ST6GALNAC3: variants seen among roughly 807,000 people sequenced by gnomAD.
ST6GALNAC3 encodes alpha-N-acetylgalactosaminide alpha-2,6-sialyltransferase 3.
In ST6GALNAC3, 25 loss-of-function variants were observed where a neutral mutation model predicts 32.7. The observed-to-expected ratio is 0.76, with a 90% confidence interval of 0.56 to 1.07. ST6GALNAC3 has a LOEUF of 1.07. Ranked by LOEUF, ST6GALNAC3 falls within the 50% of genes least tolerant of loss-of-function variation. The probability of loss-of-function intolerance (pLI) is 0.00; values close to 1 mark genes in which losing one functional copy is unlikely to be tolerated. For synonymous variants in ST6GALNAC3, 129 were observed against 133.1 expected, an observed-to-expected ratio of 0.97 and a Z score of 0.21; for missense variants, 355 against 382.4, an observed-to-expected ratio of 0.93 and a Z score of 0.60.
intron 1 of ST6GALNAC3, among the ~76,000 whole-genome samples, chr1:76,172,769 C>T (rs1229437621): frequency 6.6e-6 from 1 of 152,108 alleles, no homozygotes; most frequent in African/African-American, 2.4e-5. Context: ...CCTAGGAATA[C>T]AACTAACAAG....
intron 3 of ST6GALNAC3, among the ~76,000 whole-genome samples, chr1:76,595,598 A>G (rs1221541893): frequency 1.3e-5 from 2 of 152,132 alleles, no homozygotes; most frequent in Admixed American, 1.3e-4. Flanking sequence ...CTGAAACCTC[A>G]AAGTCTTTAG....
At chr1:76,336,585 T>C (rs1647494902) in intron 2 of ST6GALNAC3, among the ~76,000 whole-genome samples, 1 of 152,198 alleles carries the variant, frequency 6.6e-6, no homozygotes, top group Non-Finnish European at 1.5e-5. Flanking sequence ...AACCTCATTA[T>C]ATAGGTGAGG....
chr1:76,139,213 A>AT (rs56877266), intron 1 of ST6GALNAC3, among the ~76,000 whole-genome samples: 2 of 152,002 alleles, frequency 1.3e-5, no homozygotes, highest in African/African-American at 4.8e-5. Context: ...AAAAAAAAAA[A>AT]ATCTATGCAC....
chr1:76,529,849 A>T (rs1663144526), intron 3 of ST6GALNAC3, among the ~76,000 whole-genome samples: 1 of 152,164 alleles, frequency 6.6e-6, no homozygotes, highest in Admixed American at 6.6e-5. Flanking sequence ...TTAGTTATTT[A>T]TGCAAACATT....
intron 3 of ST6GALNAC3, among the ~76,000 whole-genome samples, chr1:76,486,632 A>T (rs952039629): frequency 9.9e-5 from 15 of 151,974 alleles, no homozygotes; most frequent in African/African-American, 3.4e-4. Flanking sequence ...TGCATGTGAG[A>T]TGGATCTCCT....
intron 2 of ST6GALNAC3, among the ~76,000 whole-genome samples, chr1:76,367,302 G>C (rs926839488): frequency 6.6e-6 from 1 of 152,096 alleles, no homozygotes; most frequent in Non-Finnish European, 1.5e-5. Context: ...ACCTATAATG[G>C]TGAAGGATTC....
At chr1:76,558,699 G>A (rs1468817739) in intron 3 of ST6GALNAC3, among the ~76,000 whole-genome samples, 1 of 152,124 alleles carries the variant, frequency 6.6e-6, no homozygotes, top group African/African-American at 2.4e-5. Context: ...GTTTAGTGCT[G>A]CAATTTACCC....
chr1:76,386,946 T>A (rs1329782467), intron 2 of ST6GALNAC3, among the ~76,000 whole-genome samples: 1 of 152,176 alleles, frequency 6.6e-6, no homozygotes, highest in Non-Finnish European at 1.5e-5. Flanking sequence ...CATCCTCACT[T>A]ACCCATACTG....
At chr1:76,607,892 C>T (rs1376222048) in intron 3 of ST6GALNAC3, among the ~76,000 whole-genome samples, 18 of 152,118 alleles carry the variant, frequency 1.2e-4, no homozygotes, top group Admixed American at 1.2e-3. Context: ...CCATGATTGC[C>T]CCAACCAAAT....
At chr1:76,423,528 C>T (rs1655172533) in intron 3 of ST6GALNAC3, among the ~76,000 whole-genome samples, 1 of 151,890 alleles carries the variant, frequency 6.6e-6, no homozygotes, top group African/African-American at 2.4e-5. Context: ...AATGGATAGG[C>T]AACCCTTTAC....
At chr1:76,523,974 A>T (rs1174136336) in intron 3 of ST6GALNAC3, among the ~76,000 whole-genome samples, 1 of 152,162 alleles carries the variant, frequency 6.6e-6, no homozygotes, top group Non-Finnish European at 1.5e-5. Context: ...GCAGCTGAAG[A>T]TCATTATTAC....
At chr1:76,349,389 G>A (rs1020820837) in intron 2 of ST6GALNAC3, among the ~76,000 whole-genome samples, 1 of 152,134 alleles carries the variant, frequency 6.6e-6, no homozygotes, top group African/African-American at 2.4e-5. Flanking sequence ...AGACCTGTGT[G>A]GAAGGCAATA....
chr1:76,513,218 T>G (rs1661976114), intron 3 of ST6GALNAC3, among the ~76,000 whole-genome samples: 1 of 152,148 alleles, frequency 6.6e-6, no homozygotes, highest in South Asian at 2.1e-4. Context: ...TGCCCAATGT[T>G]GTAAAGCATT....
chr1:76,234,367 G>A lies in ST6GALNAC3; in HGVS notation c.19-79438G>A, dbSNP rs531348821. Among the ~76,000 whole-genome samples, 4 of 152,324 alleles carry A rather than the reference G, an allele frequency of 2.6e-5. No homozygotes were observed. In the South Asian group the frequency reaches 8.3e-4, roughly 32 times the overall value. ...GGGAAATTTCTGCTCTTGGGTTGGA[G>A]GAATGAGTGTTTGCATTTTAATGCC... is the stretch of plus-strand genomic sequence containing the variant. On this transcript the variant is annotated intron_variant, in intron 1 of 4. Coordinates refer to ENST00000328299, the MANE Select transcript of ST6GALNAC3 (RefSeq NM_152996.4).
At chr1:76,299,337 T>G (rs956397956) in intron 1 of ST6GALNAC3, among the ~76,000 whole-genome samples, 7 of 152,056 alleles carry the variant, frequency 4.6e-5, no homozygotes, top group Non-Finnish European at 7.4e-5. Context: ...TTTTCTAGTT[T>G]GTGTGCACAA....
intron 3 of ST6GALNAC3, among the ~76,000 whole-genome samples, chr1:76,596,305 T>C (rs1452392410): frequency 6.6e-6 from 1 of 152,180 alleles, no homozygotes; most frequent in African/African-American, 2.4e-5. Context: ...TTTCAGTGCC[T>C]GTCTCTCCAG....
intron 1 of ST6GALNAC3, among the ~76,000 whole-genome samples, chr1:76,099,573 G>A (rs1423474277): frequency 7.4e-6 from 1 of 134,398 alleles, no homozygotes; most frequent in Admixed American, 6.8e-5. Context: ...AGCCAGACAT[G>A]AAAGAGTACG....
chr1:76,254,933 T>G (rs989296374), intron 1 of ST6GALNAC3, among the ~76,000 whole-genome samples: 3 of 151,944 alleles, frequency 2.0e-5, no homozygotes, highest in Non-Finnish European at 2.9e-5. Flanking sequence ...TCATATTACT[T>G]CAGGTTACTT....
chr1:76,418,903 C>T (rs763540005), intron 3 of ST6GALNAC3, among the ~76,000 whole-genome samples: 34 of 151,250 alleles, frequency 2.2e-4, no homozygotes, highest in Non-Finnish European at 4.6e-4. Flanking sequence ...TAGGCCTCCT[C>T]TGTAATACAA....
Sources: gnomAD v4.1 joint callset for allele counts (sites outside exome capture counted in the v4.1 genomes callset) on GRCh38, gnomAD v4.1.1 for gene constraint, MANE v1.5 for transcripts, NCBI Gene and HGNC (gene_info 2026-07-23, HGNC 2026-07-21) for gene names.